Variants in APBA1 observed in about 807,000 individuals in gnomAD.
APBA1 encodes the protein amyloid-beta A4 precursor protein-binding family A member 1.
APBA1 carries 55 observed loss-of-function variants against 86.6 expected under a neutral mutation model. The ratio of observed to expected loss-of-function variants is 0.64; its 90% CI spans 0.51 to 0.80. APBA1 has a LOEUF of 0.80. Ranked by LOEUF, APBA1 falls within the 30% of genes least tolerant of loss-of-function variation. The probability of loss-of-function intolerance (pLI) is 0.00; values close to 1 mark genes in which losing one functional copy is unlikely to be tolerated. For synonymous variants in APBA1, 511 were observed against 493.9 expected (o/e 1.03, Z -0.46); for missense variants, 1,090 against 1,183.0 (o/e 0.92, Z 1.15).
chr9:69,445,981 G>C (rs1834900728), intron 10 of APBA1, among the ~76,000 whole-genome samples: 1 of 152,156 alleles, frequency 6.6e-6, no homozygotes, highest in African/African-American at 2.4e-5. Flanking sequence ...CAATCAGTTT[G>C]AGAAGCACTG....
intron 1 of APBA1, among the ~76,000 whole-genome samples, chr9:69,637,226 G>A (rs998798518): frequency 8.5e-5 from 13 of 152,168 alleles, no homozygotes; most frequent in African/African-American, 2.9e-4. Context: ...GCTGGGAAGG[G>A]TTGGGGAGGA....
chr9:69,435,726 TCC>T (rs1834698042), intron 11 of APBA1, among the ~76,000 whole-genome samples: 1 of 152,260 alleles, frequency 6.6e-6, no homozygotes, highest in Non-Finnish European at 1.5e-5. Flanking sequence ...AAAAATTTTC[TCC>T]CTTTCTGTAG....
chr9:69,600,366 T>C (rs1354208571), intron 1 of APBA1, among the ~76,000 whole-genome samples: 1 of 152,144 alleles, frequency 6.6e-6, no homozygotes, highest in Non-Finnish European at 1.5e-5. Flanking sequence ...ATCTGTAAAA[T>C]GGGAGTGGTA....
At chr9:69,646,092 T>C (rs1015967860) in intron 1 of APBA1, among the ~76,000 whole-genome samples, 1 of 152,250 alleles carries the variant, frequency 6.6e-6, no homozygotes, top group Admixed American at 6.5e-5. Context: ...AAAAGTTTTA[T>C]TTTGATAAGC....
intron 1 of APBA1, among the ~76,000 whole-genome samples, chr9:69,621,833 A>G (rs761787763): frequency 2.6e-5 from 4 of 152,208 alleles, no homozygotes; most frequent in South Asian, 2.1e-4. Flanking sequence ...GTGATCTTTA[A>G]TCTGCTTCCT....
At chr9:69,657,051 T>C (rs1248657201) in intron 1 of APBA1, among the ~76,000 whole-genome samples, 2 of 151,956 alleles carry the variant, frequency 1.3e-5, no homozygotes, top group African/African-American at 4.8e-5. Context: ...TTCACCGTGT[T>C]AGCCAGGATG....
At chr9:69,658,276 C>CT (rs754704287) in intron 1 of APBA1, among the ~76,000 whole-genome samples, 2 of 79,212 alleles carry the variant, frequency 2.5e-5, no homozygotes, top group African/African-American at 8.6e-5. Context: ...TTCTTTCTTT[C>CT]TTTCTTTCTC....
intron 1 of APBA1, among the ~76,000 whole-genome samples, chr9:69,629,876 C>T (rs751478339): frequency 6.6e-5 from 10 of 152,074 alleles, no homozygotes; most frequent in South Asian, 2.1e-4. Context: ...TCAATTCAAA[C>T]GAACATATTA....
chr9:69,635,634 A>G (rs1367785696), intron 1 of APBA1, among the ~76,000 whole-genome samples: 1 of 152,198 alleles, frequency 6.6e-6, no homozygotes. Flanking sequence ...CACAGACTGA[A>G]AATAAAGGAA....
At chr9:69,611,571 G>A (rs570549338) in intron 1 of APBA1, among the ~76,000 whole-genome samples, 132 of 152,256 alleles carry the variant, frequency 8.7e-4, no homozygotes, top group African/African-American at 3.0e-3. Flanking sequence ...ATTTTGGTCC[G>A]CACTCTTCAT....
intron 2 of APBA1, among the ~76,000 whole-genome samples, chr9:69,487,815 T>C (rs1011966593): frequency 6.6e-6 from 1 of 152,000 alleles, no homozygotes; most frequent in Non-Finnish European, 1.5e-5. Flanking sequence ...GAAAACAGAC[T>C]AAGACACAAC....
intron 1 of APBA1, among the ~76,000 whole-genome samples, chr9:69,572,971 A>G (rs1837139983): frequency 6.6e-6 from 1 of 152,046 alleles, no homozygotes; most frequent in Admixed American, 6.6e-5. Flanking sequence ...ATTTATAGAG[A>G]CCATCCCAGT....
intron 2 of APBA1, among the ~76,000 whole-genome samples, chr9:69,499,781 C>T (rs1235869504): frequency 4.0e-5 from 6 of 150,988 alleles, no homozygotes; most frequent in African/African-American, 4.9e-5. Flanking sequence ...CTCACTGCAA[C>T]ATTTTTCTTG....
At chr9:69,452,057 G>T (rs1057287809) in intron 9 of APBA1, 65 bp downstream of exon 9, 1 of 1,470,878 alleles carries the variant, frequency 6.8e-7, no homozygotes, top group Non-Finnish European at 9.4e-7. Flanking sequence ...GCGGCAGGGT[G>T]CCCCACTTTC....
At chr9:69,645,037 G>A (rs1488686538) in intron 1 of APBA1, among the ~76,000 whole-genome samples, 1 of 152,078 alleles carries the variant, frequency 6.6e-6, no homozygotes, top group African/African-American at 2.4e-5. Context: ...GACTGGGGGT[G>A]GGAGAGGTGT....
chr9:69,587,969 T>C (rs1822053592), intron 1 of APBA1, among the ~76,000 whole-genome samples: 1 of 141,868 alleles, frequency 7.0e-6, no homozygotes, highest in African/African-American at 2.6e-5. Context: ...GAGGTTGCAG[T>C]GAATTGAGAT....
intron 1 of APBA1, among the ~76,000 whole-genome samples, chr9:69,577,899 C>G (rs555382490): frequency 2.0e-5 from 3 of 152,212 alleles, no homozygotes; most frequent in South Asian, 4.2e-4. Flanking sequence ...TTCACCACCA[C>G]AATGCTCCCA....
intron 2 of APBA1, among the ~76,000 whole-genome samples, chr9:69,476,471 T>C (rs1220469737): frequency 6.6e-6 from 1 of 152,210 alleles, no homozygotes; most frequent in African/African-American, 2.4e-5. Flanking sequence ...TACACAAACA[T>C]GTTTAAAACA....
chr9:69,663,421 A>G (rs768220193), intron 1 of APBA1, among the ~76,000 whole-genome samples: 5 of 152,370 alleles, frequency 3.3e-5, no homozygotes, highest in South Asian at 2.1e-4. Context: ...TGAATAGCCA[A>G]TGTAGGGGGT....
Sources: gnomAD v4.1 joint callset for allele counts (sites outside exome capture counted in the v4.1 genomes callset) on GRCh38, gnomAD v4.1.1 for gene constraint, MANE v1.5 for transcripts, NCBI Gene and HGNC (gene_info 2026-07-23, HGNC 2026-07-21) for gene names.